The following DLG5 variants were observed in gnomAD, a reference collection of about 807,000 sequenced individuals.
DLG5 encodes the protein disks large homolog 5.
DLG5 carries 48 observed loss-of-function variants against 189.8 expected under a neutral mutation model. That is an observed-to-expected ratio of 0.25 (90% CI 0.20 to 0.32). DLG5 has a LOEUF of 0.32. Among genes scored for constraint, DLG5 ranks in the 10% least tolerant of loss-of-function variants. DLG5 has a pLI of 1.00. For synonymous variants in DLG5, 1,016 were observed against 1,054.1 expected (o/e 0.96, Z 0.70); for missense variants, 2,160 against 2,544.7 (o/e 0.85, Z 3.25).
intron 1 of DLG5, 85 bp from the exon 2 acceptor site, chr10:77,869,282 G>C: frequency 7.8e-7 from 1 of 1,289,604 alleles, no homozygotes; most frequent in South Asian, 1.2e-5. Flanking sequence ...GTCAATGCCA[G>C]GCCATGAGAG....
intron 27 of DLG5, among the ~76,000 whole-genome samples, chr10:77,797,022 G>A (rs955415625): frequency 3.3e-5 from 5 of 152,160 alleles, no homozygotes; most frequent in East Asian, 3.9e-4. Context: ...CAATCTGCAC[G>A]GCTAGAACAG....
At chr10:77,927,047 C>A, upstream of DLG5, 1 of 233,108 alleles carries the variant, frequency 4.3e-6, no homozygotes, top group Non-Finnish European at 8.5e-6. Flanking sequence ...CGGCCCGGCT[C>A]ACCGGGGCCC....
chr10:77,911,899 T>TAAA (rs567850067), intron 1 of DLG5, among the ~76,000 whole-genome samples: 3 of 138,644 alleles, frequency 2.2e-5, no homozygotes, highest in Non-Finnish European at 4.7e-5. Context: ...AACATTTTCT[T>TAAA]AAAAAAAAAA....
In DLG5 at chr10:77,817,682, G is replaced by A; in HGVS notation, c.3784+95C>T. ...GTCCCAGGAGGTGACAGGAGCTCGT[G>A]TGGGGAGCCCACCCGCAGATCTGGA... On this transcript the variant is annotated intron_variant, in intron 18 of 31. Coordinates refer to ENST00000372391, the MANE Select transcript of DLG5 (RefSeq NM_004747.4). 4 of 1,107,346 alleles carry A rather than the reference G, an allele frequency of 3.6e-6. No homozygotes were observed. The East Asian group carries it at 1.0e-4, about 29-fold the overall frequency. The allele number at this position is 1,107,346 out of a possible 1,614,324, so 68.6% of individuals were successfully genotyped here.
At position 77,821,807 on chromosome 10, in the gene DLG5, T is replaced by G. The variant is rs766738647; in HGVS notation, c.2677A>C (p.Ser893Arg). 1.2e-6 allele frequency: 2 copies of G among 1,612,790 alleles called. No homozygotes were observed. Among genetic ancestry groups the G allele is most frequent in the South Asian group, 2.2e-5 (2 of 90,950 alleles). The change falls in exon 15 of 32, where the codon AGC (serine) becomes CGC (arginine). Residue 893 changes from serine (S) to arginine (R), a missense_variant. This residue lies in a region of DLG5 where 754 missense variants were observed against 746.5 expected (regional missense o/e 1.01). Transcript: ENST00000372391. ...CCAGAGGCATCTGAGCGGAAGGAGC[T>G]CAGGCTACGCTCAGAGGCACTGGGA... is the stretch of plus-strand genomic sequence containing the variant. ...ACPSASERSL[S>R]SFRSDASGDR...
At position 77,812,239 on chromosome 10, in the gene DLG5, G is replaced by A. The variant is rs761592562; in HGVS notation, c.4164C>T (p.Leu1388=). 4 of 1,613,818 alleles carry A rather than the reference G, an allele frequency of 2.5e-6. No individual in the cohort carries two copies. The highest frequency in any genetic ancestry group is 2.2e-5 in the East Asian group (1 of 44,860). Residue 1388 remains leucine, a synonymous_variant, in exon 21 of 32, where the codon CTC becomes CTT. Transcript: ENST00000372391. ...TVGSIAHQAG[L]EYGDQLLEFN... is the part of the protein sequence containing the mutation. ...CCTCCAGTAACTGATCCCCATACTC[G>A]AGGCCAGCCTGGTGAGCGATGCTCC...
chr10:77,865,604 G>A (rs1317657282), intron 2 of DLG5, among the ~76,000 whole-genome samples: 2 of 152,270 alleles, frequency 1.3e-5, no homozygotes, highest in East Asian at 1.9e-4. Context: ...AGAAATAAAA[G>A]GCTACTGAGA....
At chr10:77,856,972 T>C (rs1844266849) in intron 2 of DLG5, 80 bp from the exon 3 acceptor site, 2 of 1,399,204 alleles carry the variant, frequency 1.4e-6, no homozygotes, top group Non-Finnish European at 1.9e-6. Context: ...AGCTGTTGGC[T>C]TGTGTTAGCT....
the DLG5 span, among the ~76,000 whole-genome samples, chr10:77,933,504 G>C: frequency 6.6e-6 from 1 of 151,998 alleles, no homozygotes; most frequent in Non-Finnish European, 1.5e-5. Context: ...ATGTTGGCCA[G>C]GCTAGTCTCA....
At chr10:77,818,485 G>C (rs1045919997) in intron 17 of DLG5, among the ~76,000 whole-genome samples, 8 of 152,182 alleles carry the variant, frequency 5.3e-5, no homozygotes, top group Non-Finnish European at 1.5e-5. Flanking sequence ...GGTCCCACAG[G>C]GTTTGTGCCC....
rs561826124 is a variant in DLG5, at chr10:77,899,117, G to C, written c.304+27100C>G. Among the ~76,000 whole-genome samples the C allele has an allele frequency of 2.0e-5, 3 of 152,274 alleles. No homozygotes were observed. The East Asian group carries it at 5.8e-4, about 29-fold the overall frequency. On this transcript the variant is annotated intron_variant, in intron 1 of 31. Coordinates refer to ENST00000372391, the MANE Select transcript of DLG5 (RefSeq NM_004747.4). ...TGAGGTCCCATCCGCCTTGAAGTTG[G>C]CAAGGGCTAGGGTAGCATGTAACCT... is the stretch of plus-strand genomic sequence containing the variant.
At chr10:77,827,746 AC>A (rs1842709935) in intron 13 of DLG5, among the ~76,000 whole-genome samples, 2 of 152,166 alleles carry the variant, frequency 1.3e-5, no homozygotes, top group African/African-American at 4.8e-5. Flanking sequence ...ATATAATCAA[AC>A]AACAGAATAC....
At chr10:77,896,565 G>T (rs1357059235) in intron 1 of DLG5, among the ~76,000 whole-genome samples, 1 of 152,126 alleles carries the variant, frequency 6.6e-6, no homozygotes, top group Non-Finnish European at 1.5e-5. Flanking sequence ...TATGGCCCAG[G>T]CGCAGTAGCT....
intron 2 of DLG5, among the ~76,000 whole-genome samples, chr10:77,858,953 A>G (rs1770927740): frequency 6.6e-6 from 1 of 151,924 alleles, no homozygotes; most frequent in African/African-American, 2.4e-5. Context: ...GCTCACTATA[A>G]CCTCTGCCTC....
intron 13 of DLG5, among the ~76,000 whole-genome samples, chr10:77,826,843 G>A (rs1842661217): frequency 1.3e-5 from 2 of 151,966 alleles, no homozygotes; most frequent in Admixed American, 6.6e-5. Context: ...AGCTACTTGG[G>A]AGGCTGAAGC....
chr10:77,800,009 C>T (rs1841119499), intron 27 of DLG5, among the ~76,000 whole-genome samples: 1 of 152,070 alleles, frequency 6.6e-6, no homozygotes, highest in Admixed American at 6.6e-5. Flanking sequence ...CCTAAAAGAG[C>T]AAGCATAAAG....
intron 1 of DLG5, among the ~76,000 whole-genome samples, chr10:77,910,359 A>G (rs1160923515): frequency 6.6e-6 from 1 of 152,214 alleles, no homozygotes. Context: ...TCTGTAAAAG[A>G]TAAATATCAA....
Position 77,853,482 on chromosome 10 carries a change from T to C in DLG5, c.736A>G (p.Met246Val), listed in dbSNP as rs199831293. The C allele has an allele frequency of 2.5e-6, 4 of 1,611,966 alleles. No homozygotes were observed. The highest frequency in any genetic ancestry group is 1.7e-5 in the Admixed American group (1 of 59,920). Reference protein sequence around the residue: ...DQTRLKDDVDMLRRENGQLLR... With the variant: ...DQTRLKDDVDVLRRENGQLLR... ...AGCTGCCCATTCTCCCGCCTCAGCA[T>C]GTCCACGTCATCCTTCAGCCGAGTC... The change falls in exon 5 of 32, where the codon ATG (methionine) becomes GTG (valine). Residue 246 changes from methionine (M) to valine (V), a missense_variant. Physicochemically the swap from Met to Val is conservative, Grantham distance 21 (BLOSUM62 1). Coordinates refer to ENST00000372391, the MANE Select transcript of DLG5 (RefSeq NM_004747.4).
intron 23 of DLG5, among the ~76,000 whole-genome samples, chr10:77,810,789 G>A (rs952449794): frequency 6.6e-6 from 1 of 152,228 alleles, no homozygotes; most frequent in African/African-American, 2.4e-5. Flanking sequence ...GGCCTGGCCG[G>A]GTGATGACTG....
Sources: gnomAD v4.1 joint callset for allele counts (sites outside exome capture counted in the v4.1 genomes callset) on GRCh38, gnomAD v4.1.1 for gene constraint, gnomAD v4.1.1 regional missense constraint, MANE v1.5 for transcripts, NCBI Gene and HGNC (gene_info 2026-07-23, HGNC 2026-07-21) for gene names.